Variants in HDHD2 observed in about 807,000 individuals in gnomAD.
HDHD2 encodes the protein haloacid dehalogenase like hydrolase domain containing 2, also known as haloacid dehalogenase-like hydrolase domain-containing protein 2.
Under a neutral mutation model 24.8 loss-of-function variants are expected in HDHD2, and 26 were observed. The ratio of observed to expected loss-of-function variants is 1.05; its 90% CI spans 0.77 to 1.45. HDHD2 has a LOEUF of 1.45. Ranked by LOEUF, HDHD2 falls within the 40% of genes most tolerant of loss-of-function variation. The pLI, the probability that HDHD2 is intolerant of heterozygous loss-of-function variation, is 0.00. For missense variants in HDHD2, 299 were observed against 313.4 expected, an observed-to-expected ratio of 0.95 and a Z score of 0.35; for synonymous variants, 128 against 114.9, an observed-to-expected ratio of 1.11 and a Z score of -0.73.
At chr18:47,135,553 G>A (rs1443275679) in intron 2 of HDHD2, among the ~76,000 whole-genome samples, 2 of 152,116 alleles carry the variant, frequency 1.3e-5, no homozygotes, top group Non-Finnish European at 2.9e-5. Context: ...GAGCCACCGC[G>A]CCTGGCCTAT....
At chr18:47,148,401 C>T (rs757807687) in intron 1 of HDHD2, among the ~76,000 whole-genome samples, 1 of 152,192 alleles carries the variant, frequency 6.6e-6, no homozygotes, top group Non-Finnish European at 1.5e-5. Flanking sequence ...AAAGGTAGTG[C>T]CTGATTTTGT....
chr18:47,114,808 C>A (rs1031830179), intron 5 of HDHD2, among the ~76,000 whole-genome samples: 1 of 151,790 alleles, frequency 6.6e-6, no homozygotes, highest in African/African-American at 2.4e-5. Flanking sequence ...ATTCAATTGA[C>A]TTGCAATATA....
intron 3 of HDHD2, among the ~76,000 whole-genome samples, chr18:47,134,235 G>C (rs995675108): frequency 3.3e-5 from 5 of 152,158 alleles, no homozygotes; most frequent in Admixed American, 2.0e-4. Flanking sequence ...ATGTTATACA[G>C]CAAGAGTAAG....
chr18:47,130,699 T>C (rs1470692045), intron 3 of HDHD2, among the ~76,000 whole-genome samples: 1 of 152,140 alleles, frequency 6.6e-6, no homozygotes, highest in East Asian at 1.9e-4. Context: ...TGCCATGAGT[T>C]CCCTATGAAC....
intron 4 of HDHD2, among the ~76,000 whole-genome samples, chr18:47,121,638 T>C (rs2063607975): frequency 6.6e-6 from 1 of 152,194 alleles, no homozygotes; most frequent in Non-Finnish European, 1.5e-5. Context: ...CAAAATTCTT[T>C]AATAGCTTCT....
chr18:47,147,322 T>G (rs980354925), intron 1 of HDHD2, among the ~76,000 whole-genome samples: 4 of 152,218 alleles, frequency 2.6e-5, no homozygotes, highest in African/African-American at 9.7e-5. Flanking sequence ...CATGTTATTC[T>G]ATTTCTGATC....
At chr18:47,110,502 G>C in intron 6 of HDHD2, 1 of 984,926 alleles carries the variant, frequency 1.0e-6, no homozygotes, top group Non-Finnish European at 1.2e-6. Context: ...GGATCCAGTG[G>C]TCTAAGAGAC....
chr18:47,143,439 C>CAT lies in HDHD2; in HGVS notation c.-11+6937_-11+6938dup, dbSNP rs1272854102. 1.4e-4 allele frequency among the ~76,000 whole-genome samples: 22 copies of CAT among 152,090 alleles called. 1 individual carries two copies. In the East Asian group the frequency reaches 2.5e-3, roughly 17 times the overall value. On this transcript the variant is annotated intron_variant, in intron 1 of 6. Coordinates refer to ENST00000300605, the MANE Select transcript of HDHD2 (RefSeq NM_032124.5). ...TGAGACTATATCCCTAAAACACACACATATATATATATTTGTATTCTACTA... is the reference window on the plus strand; with the variant it reads ...TGAGACTATATCCCTAAAACACACACATATATATATATATTTGTATTCTACTA...
At chr18:47,138,169 CGCA>C (rs1568059342) in intron 1 of HDHD2, among the ~76,000 whole-genome samples, 1 of 46,724 alleles carries the variant, frequency 2.1e-5, no homozygotes, top group Non-Finnish European at 3.6e-5. Context: ...GAGATTCTGT[CGCA>C]AAAAAAAAAA....
chr18:47,137,176 G>T, intron 1 of HDHD2: 1 of 706,438 alleles, frequency 1.4e-6, no homozygotes. Flanking sequence ...GACAGGGATT[G>T]TCAATGAGGC....
intron 1 of HDHD2, among the ~76,000 whole-genome samples, chr18:47,149,680 A>G (rs1207746255): frequency 1.3e-5 from 2 of 152,144 alleles, no homozygotes; most frequent in Admixed American, 1.3e-4. Flanking sequence ...TTTAGCCCTC[A>G]GTCTCTGATA....
At chr18:47,119,277 G>A (rs2063583914) in intron 4 of HDHD2, among the ~76,000 whole-genome samples, 1 of 152,188 alleles carries the variant, frequency 6.6e-6, no homozygotes, top group Admixed American at 6.5e-5. Context: ...TCTGTAGTAT[G>A]TGATGTTGTT....
At chr18:47,111,140 C>T in intron 6 of HDHD2, 1 of 985,114 alleles carries the variant, frequency 1.0e-6, no homozygotes, top group Non-Finnish European at 1.2e-6. Context: ...TGCCTGCTTC[C>T]AAGAGCTGTA....
At chr18:47,139,089 A>C (rs1180113165) in intron 1 of HDHD2, among the ~76,000 whole-genome samples, 1 of 152,130 alleles carries the variant, frequency 6.6e-6, no homozygotes, top group Non-Finnish European at 1.5e-5. Flanking sequence ...ATGGGGACAG[A>C]AGCTCTCACT....
intron 3 of HDHD2, among the ~76,000 whole-genome samples, chr18:47,133,038 C>T (rs1481439477): frequency 2.6e-5 from 4 of 152,098 alleles, no homozygotes; most frequent in Non-Finnish European, 4.4e-5. Flanking sequence ...GGTACATGTG[C>T]TCAACATGCA....
intron 2 of HDHD2, among the ~76,000 whole-genome samples, chr18:47,135,054 CA>C (rs2063751163): frequency 6.6e-6 from 1 of 152,038 alleles, no homozygotes; most frequent in Non-Finnish European, 1.5e-5. Context: ...CTTTAAACAA[CA>C]TGTTGTCCAC....
intron 4 of HDHD2, among the ~76,000 whole-genome samples, chr18:47,124,717 A>C (rs1252715240): frequency 6.6e-6 from 1 of 151,216 alleles, no homozygotes; most frequent in Non-Finnish European, 1.5e-5. Flanking sequence ...AAAAAAAAAA[A>C]AAAAAAAAAA....
intron 1 of HDHD2, among the ~76,000 whole-genome samples, chr18:47,147,157 G>T (rs756512004): frequency 5.3e-5 from 8 of 152,026 alleles, no homozygotes; most frequent in African/African-American, 1.9e-4. Flanking sequence ...CACCTTCAAG[G>T]CATTTTGAAT....
chr18:47,146,423 T>C (rs1318271536), intron 1 of HDHD2, among the ~76,000 whole-genome samples: 1 of 152,160 alleles, frequency 6.6e-6, no homozygotes, highest in African/African-American at 2.4e-5. Flanking sequence ...TGAAAGAATA[T>C]ACTTGTACAA....
Sources: allele counts gnomAD v4.1 joint callset (sites outside exome capture counted in the v4.1 genomes callset), GRCh38; gene constraint gnomAD v4.1.1; transcripts MANE v1.5; gene names NCBI Gene and HGNC (gene_info 2026-07-23, HGNC 2026-07-21).